The following IDH2 variants were observed in gnomAD, a reference collection of about 807,000 sequenced individuals.
IDH2 encodes isocitrate dehydrogenase [NADP], mitochondrial.
Under a neutral mutation model 50.5 loss-of-function variants are expected in IDH2, and 18 were observed. That is an observed-to-expected ratio of 0.36 (90% CI 0.25 to 0.53). The LOEUF is 0.53. Ranked by LOEUF, IDH2 falls within the 20% of genes least tolerant of loss-of-function variation. The pLI is 0.92. For synonymous variants in IDH2, 280 were observed against 239.8 expected (o/e 1.17, Z -1.55); for missense variants, 518 against 610.7 (o/e 0.85, Z 1.60).
rs540113594 is a variant in IDH2, at chr15:90,084,401, A to C, written c.1272-48T>G. The C allele has an allele frequency of 6.5e-7, 1 of 1,546,236 alleles. No homozygotes were observed. The highest frequency in any genetic ancestry group is 1.1e-5 in the South Asian group (1 of 87,550). ...ATCAGGGGTGGCTCCAGGCCTTGCC[A>C]AGGCCATCAGCCAGGCCCTTCCAGG... On this transcript the variant is annotated intron_variant, in intron 10 of 10. Coordinates refer to ENST00000330062, the MANE Select transcript of IDH2 (RefSeq NM_002168.4). The surrounding 1 kb of genome is among the most constrained non-coding windows in gnomAD (Gnocchi z 5.0).
At position 90,090,433 on chromosome 15, in the gene IDH2, G is replaced by C. The variant is rs760853017; in HGVS notation, c.373+46C>G. 2.4e-5 allele frequency: 38 copies of C among 1,604,470 alleles called. No individual in the cohort carries two copies. The South Asian group carries it at 4.1e-4, about 17-fold the overall frequency. ...CCCAAGTCTGGAGAGGCCGGTGGGAGAAGCCTGTGACCCTCCCTGGCCCGC... is the reference window on the plus strand; with the variant it reads ...CCCAAGTCTGGAGAGGCCGGTGGGACAAGCCTGTGACCCTCCCTGGCCCGC... On this transcript the variant is annotated intron_variant, in intron 3 of 10. Transcript: ENST00000330062.
intron 1 of IDH2, among the ~76,000 whole-genome samples, chr15:90,096,706 A>C (rs768338453): frequency 1.3e-5 from 2 of 152,134 alleles, no homozygotes; most frequent in Non-Finnish European, 2.9e-5. Flanking sequence ...CGAGGTCAGA[A>C]GATCGAGACC....
intron 1 of IDH2, 66 bp from the exon 2 acceptor site, chr15:90,091,710 G>A: frequency 8.0e-7 from 1 of 1,247,462 alleles, no homozygotes; most frequent in South Asian, 1.2e-5. Context: ...TCTCCTCCCA[G>A]CCAGGCCCGC....
At chr15:90,095,645 C>T (rs1308627363) in intron 1 of IDH2, among the ~76,000 whole-genome samples, 1 of 152,136 alleles carries the variant, frequency 6.6e-6, no homozygotes, top group Non-Finnish European at 1.5e-5. Context: ...CCCTCAGAGA[C>T]CACAGGACCT....
chr15:90,088,854 G>A, intron 3 of IDH2, 107 bp from the exon 4 acceptor site: 2 of 1,174,484 alleles, frequency 1.7e-6, no homozygotes, highest in Admixed American at 3.7e-5. Flanking sequence ...AATTCTTCAT[G>A]AGGAAGGCAG....
chr15:90,086,789 G>A (rs868381900), intron 7 of IDH2, among the ~76,000 whole-genome samples: 1 of 152,052 alleles, frequency 6.6e-6, no homozygotes, highest in Non-Finnish European at 1.5e-5. Context: ...CTCCAGTCCC[G>A]CTTGATCCCA....
chr15:90,090,680 G>A, intron 2 of IDH2, 36 bp from the exon 3 acceptor site: 1 of 1,609,924 alleles, frequency 6.2e-7, no homozygotes. Context: ...CGTCACCCCA[G>A]TGACTCAGGG....
At chr15:90,090,407 C>T in intron 3 of IDH2, 72 bp downstream of exon 3, 3 of 1,546,936 alleles carry the variant, frequency 1.9e-6, no homozygotes, top group East Asian at 2.3e-5. Flanking sequence ...AACTGCCCCA[C>T]CCCAAGTCTG....
chr15:90,101,687 G>C (rs1901335969), intron 1 of IDH2, among the ~76,000 whole-genome samples: 1 of 151,924 alleles, frequency 6.6e-6, no homozygotes, highest in Non-Finnish European at 1.5e-5. Context: ...AGGGGTGGGG[G>C]TGGGGGCGGC....
chr15:90,090,330 T>C (rs1900999599), intron 3 of IDH2, 149 bp downstream of exon 3: 2 of 791,560 alleles, frequency 2.5e-6, no homozygotes, highest in South Asian at 1.6e-5. Flanking sequence ...TCAGGTGCAG[T>C]TGGCCTCAGG....
rs1900792659 is a variant in IDH2 at position 90,084,167 on chromosome 15, C to T, written c.*99G>A. On this transcript the variant is annotated 3_prime_UTR_variant, in exon 11 of 11. Coordinates refer to ENST00000330062, the MANE Select transcript of IDH2 (RefSeq NM_002168.4). This position sits in a 1 kb window ranked among gnomAD's most constrained non-coding sequence, Gnocchi z 5.0. Reference sequence around the variant, plus strand: ...ATAAAAAAACATCCCCTAGAAAGGCCTCCAGAGAGGGGCTGTGAGGCTCAC... The same window carrying T: ...ATAAAAAAACATCCCCTAGAAAGGCTTCCAGAGAGGGGCTGTGAGGCTCAC... 1.1e-6 allele frequency: 1 copy of T among 911,490 alleles called. No homozygotes were observed. The highest frequency in any genetic ancestry group is 1.8e-6 in the Non-Finnish European group (1 of 567,718). The allele number at this position is 911,490 out of a possible 1,614,324, so 56.5% of individuals were successfully genotyped here.
intron 1 of IDH2, among the ~76,000 whole-genome samples, chr15:90,096,926 A>G (rs929246860): frequency 6.6e-6 from 1 of 152,072 alleles, no homozygotes; most frequent in African/African-American, 2.4e-5. Flanking sequence ...GAAAAAAAAA[A>G]AGAAAAGAAA....
chr15:90,087,164 C>T lies in IDH2; in HGVS notation c.915G>A (p.Val305=). The T allele has an allele frequency of 1.2e-6, 2 of 1,614,162 alleles. No homozygotes were observed. The highest frequency in any genetic ancestry group is 8.5e-7 in the Non-Finnish European group (1 of 1,180,042). ...AQVLKSSGGF[V]WACKNYDGDV... The stretch of plus-strand genomic sequence containing the variant: ...CTCCGTCATAGTTCTTGCAGGCCCA[C>T]ACAAAGCCACCCGAAGACTTGAGGA... Residue 305 remains valine (V), a synonymous_variant, in exon 7 of 11, where the codon GTG becomes GTA. Transcript: ENST00000330062.
At position 90,102,334 on chromosome 15, in the gene IDH2, C is replaced by G; in HGVS notation, c.57G>C (p.Pro19=). 7.3e-7 allele frequency: 1 copy of G among 1,365,572 alleles called. No individual in the cohort carries two copies. The highest frequency in any genetic ancestry group is 9.5e-7 in the Non-Finnish European group (1 of 1,049,552). 84.6% of individuals were successfully genotyped at this position (1,365,572 alleles called of 1,614,324 possible). A position where few individuals can be genotyped will look rare whatever the true frequency, so the allele number is the denominator to read the frequency against. ...RSLCRASGSR[P]AWAPAALTAP... ...CTGTCAGGGCCGCCGGCGCCCAGGC[C>G]GGCCGCGAGCCTGAGGCTCTGCAGA... The change falls in exon 1 of 11, where the codon CCG becomes CCC. Residue 19 remains proline (P), a synonymous_variant. Transcript: ENST00000330062.
intron 7 of IDH2, among the ~76,000 whole-genome samples, chr15:90,086,815 C>T (rs896149870): frequency 6.6e-6 from 1 of 152,138 alleles, no homozygotes; most frequent in African/African-American, 2.4e-5. Context: ...CTACTGGAAC[C>T]AAAGAGTCAT....
chr15:90,098,519 TATGTATGC>T lies in IDH2; in HGVS notation c.115+3749_115+3756del, dbSNP rs1383518819. Among the ~76,000 whole-genome samples, 11 of 148,656 alleles carry T rather than the reference TATGTATGC, an allele frequency of 7.4e-5. No individual in the cohort carries two copies. Among genetic ancestry groups the T allele is most frequent in the Admixed American group, 2.0e-4 (3 of 15,040 alleles). On this transcript the variant is annotated intron_variant, in intron 1 of 10. Coordinates refer to ENST00000330062, the MANE Select transcript of IDH2 (RefSeq NM_002168.4). This position sits in a 1 kb window ranked among gnomAD's most constrained non-coding sequence, Gnocchi z 5.1. The stretch of plus-strand genomic sequence containing the variant: ...TGTATATTTTATGTATGTATGTATG[TATGTATGC>T]ATGCATGTATGTATGTATGTATGTA...
intron 1 of IDH2, among the ~76,000 whole-genome samples, chr15:90,097,650 G>A (rs1901215908): frequency 6.7e-6 from 1 of 149,622 alleles, no homozygotes; most frequent in Admixed American, 6.7e-5. Flanking sequence ...TAAAAAGGTG[G>A]CTGCCAGGGA....
At chr15:90,091,681 G>T (rs1901041087) in intron 1 of IDH2, 37 bp from the exon 2 acceptor site, 2 of 1,561,036 alleles carry the variant, frequency 1.3e-6, no homozygotes, top group Non-Finnish European at 1.8e-6. Flanking sequence ...ATGCCCCTGG[G>T]GAGGCTGGAG....
intron 7 of IDH2, among the ~76,000 whole-genome samples, chr15:90,086,247 A>G (rs1200788771): frequency 6.6e-6 from 1 of 152,132 alleles, no homozygotes; most frequent in Non-Finnish European, 1.5e-5. Flanking sequence ...CCATACCAGG[A>G]GCTGCCCTGG....
Sources: gnomAD v4.1 joint callset for allele counts (sites outside exome capture counted in the v4.1 genomes callset) on GRCh38, gnomAD v4.1.1 for gene constraint, Gnocchi (gnomAD v3.1) non-coding constraint, MANE v1.5 for transcripts, NCBI Gene and HGNC (gene_info 2026-07-23, HGNC 2026-07-21) for gene names.